SH2D4A: variants seen among roughly 807,000 people sequenced by gnomAD.
SH2D4A encodes SH2 domain-containing protein 4A.
In SH2D4A, 70 loss-of-function variants were observed where a neutral mutation model predicts 64.7. That is an observed-to-expected ratio of 1.08 (90% confidence interval 0.89 to 1.32). SH2D4A has a LOEUF of 1.32. Among genes scored for constraint, SH2D4A ranks in the 40% most tolerant of loss-of-function variants. The probability of loss-of-function intolerance (pLI) is 0.00; values close to 1 mark genes in which losing one functional copy is unlikely to be tolerated. For missense variants in SH2D4A, 706 were observed against 540.1 expected (o/e 1.31, Z -3.04); for synonymous variants, 268 against 200.7 (o/e 1.34, Z -2.83).
At chr8:19,378,058 T>C (rs2053226809) in intron 8 of SH2D4A, among the ~76,000 whole-genome samples, 1 of 152,198 alleles carries the variant, frequency 6.6e-6, no homozygotes, top group Non-Finnish European at 1.5e-5. Flanking sequence ...ACTGAGCTCA[T>C]ATATTACTGG....
At chr8:19,313,927 G>C in intron 1 of SH2D4A, 104 bp downstream of exon 1, 1 of 1,309,110 alleles carries the variant, frequency 7.6e-7, no homozygotes, top group Non-Finnish European at 9.7e-7. Flanking sequence ...GGGAGGCGCA[G>C]GGGCCAGAGC....
intron 2 of SH2D4A, 99 bp downstream of exon 2, chr8:19,319,827 T>C: frequency 1.5e-6 from 2 of 1,300,186 alleles, no homozygotes; most frequent in African/African-American, 1.5e-5. Flanking sequence ...AGGTGCAAGT[T>C]CCAGTTTGGC....
At chr8:19,364,782 C>G (rs895281703) in intron 7 of SH2D4A, among the ~76,000 whole-genome samples, 2 of 152,160 alleles carry the variant, frequency 1.3e-5, no homozygotes, top group Non-Finnish European at 2.9e-5. Flanking sequence ...TTCTCATTCA[C>G]GGATACATAG....
intron 2 of SH2D4A, among the ~76,000 whole-genome samples, chr8:19,322,319 A>C (rs1220275162): frequency 1.3e-5 from 2 of 152,108 alleles, no homozygotes; most frequent in Non-Finnish European, 2.9e-5. Flanking sequence ...TGATCCCTGA[A>C]GGCTTGTGCT....
chr8:19,358,940 G>A (rs1263549931), intron 5 of SH2D4A, among the ~76,000 whole-genome samples: 3 of 152,142 alleles, frequency 2.0e-5, no homozygotes, highest in Admixed American at 6.5e-5. Context: ...ATCCAGCCTC[G>A]GCCCCTCCGC....
chr8:19,329,487 T>C (rs754184152), intron 2 of SH2D4A, among the ~76,000 whole-genome samples: 30 of 152,268 alleles, frequency 2.0e-4, no homozygotes, highest in Non-Finnish European at 4.1e-4. Context: ...AATGTTAGTC[T>C]CCTGAGGACA....
At position 19,368,826 on chromosome 8, in the gene SH2D4A, C is replaced by T. The variant is rs373940632; in HGVS notation, c.917+4544C>T. Among the ~76,000 whole-genome samples the T allele has an allele frequency of 2.0e-5, 3 of 152,070 alleles. No homozygotes were observed. In the South Asian group the frequency reaches 6.2e-4, roughly 31 times the overall value. On this transcript the variant is annotated intron_variant, in intron 7 of 9. Transcript: ENST00000265807. ...TTTCCAATTTGGATGTGCTTCATTGCTTTCTCTTGACTCATTCCTGTGCCT... is the reference window on the plus strand; with the variant it reads ...TTTCCAATTTGGATGTGCTTCATTGTTTTCTCTTGACTCATTCCTGTGCCT...
intron 8 of SH2D4A, among the ~76,000 whole-genome samples, chr8:19,379,066 C>A (rs1044785930): frequency 2.8e-5 from 4 of 141,162 alleles, no homozygotes; most frequent in Non-Finnish European, 6.2e-5. Flanking sequence ...GGAAGACAGA[C>A]CCTGCCTTAA....
intron 8 of SH2D4A, among the ~76,000 whole-genome samples, chr8:19,377,696 T>C (rs903897463): frequency 1.3e-5 from 2 of 151,762 alleles, no homozygotes; most frequent in Admixed American, 1.3e-4. Flanking sequence ...TACACACACA[T>C]ATATTACACA....
At chr8:19,371,411 G>A (rs537758641) in intron 7 of SH2D4A, among the ~76,000 whole-genome samples, 1 of 151,712 alleles carries the variant, frequency 6.6e-6, no homozygotes, top group South Asian at 2.1e-4. Flanking sequence ...TGGCCTATAC[G>A]GTTTCTTCTG....
At chr8:19,370,154 CAATTTAAG>C (rs1214831241) in intron 7 of SH2D4A, among the ~76,000 whole-genome samples, 4 of 151,964 alleles carry the variant, frequency 2.6e-5, no homozygotes, top group Non-Finnish European at 5.9e-5. Flanking sequence ...TAACTTAAAA[CAATTTAAG>C]AATTGTTTTG....
intron 4 of SH2D4A, among the ~76,000 whole-genome samples, chr8:19,342,909 A>G (rs17478238): frequency 0.068 from 10,376 of 152,184 alleles, 419 homozygotes; most frequent in Middle Eastern, 0.13. Context: ...GATTAAATCT[A>G]CTTTCCGGGA....
At position 19,357,308 on chromosome 8, in the gene SH2D4A, C is replaced by T. The variant is rs114323305; in HGVS notation, c.594+25C>T. 1,156 of 1,531,968 alleles carry T rather than the reference C, an allele frequency of 7.5e-4. 10 individuals carry two copies. In the African/African-American group the frequency reaches 0.014, roughly 18 times the overall value. The allele number at this position is 1,531,968 out of a possible 1,614,324, so 94.9% of individuals were successfully genotyped here. A position where few individuals can be genotyped will look rare whatever the true frequency, so the allele number is the denominator to read the frequency against. ...GGTAAAAGACTTCCCTTCTGTCCTC[C>T]GGGGGCTGCATACCTAGGCATTTCC... On this transcript the variant is annotated intron_variant, in intron 5 of 9. Coordinates refer to ENST00000265807, the MANE Select transcript of SH2D4A (RefSeq NM_022071.4).
At chr8:19,366,104 TACA>T (rs1299512983) in intron 7 of SH2D4A, among the ~76,000 whole-genome samples, 6 of 152,204 alleles carry the variant, frequency 3.9e-5, no homozygotes, top group African/African-American at 1.4e-4. Context: ...GTTGGTCAAT[TACA>T]ATACTAGTAG....
intron 8 of SH2D4A, among the ~76,000 whole-genome samples, chr8:19,392,542 G>A (rs1182892006): frequency 6.6e-6 from 1 of 151,878 alleles, no homozygotes; most frequent in Non-Finnish European, 1.5e-5. Flanking sequence ...CACTGTCCTA[G>A]ACCAAGTCAA....
intron 8 of SH2D4A, among the ~76,000 whole-genome samples, chr8:19,391,110 T>A (rs2053485487): frequency 6.6e-6 from 1 of 152,140 alleles, no homozygotes; most frequent in South Asian, 2.1e-4. Context: ...TCAGGGTCAT[T>A]GAAAACATCC....
chr8:19,378,684 A>T (rs1585202557), intron 8 of SH2D4A, among the ~76,000 whole-genome samples: 1 of 152,028 alleles, frequency 6.6e-6, no homozygotes, highest in East Asian at 1.9e-4. Flanking sequence ...GATCCACCCT[A>T]CTCAGCCTGC....
intron 4 of SH2D4A, among the ~76,000 whole-genome samples, chr8:19,349,685 A>G (rs931793745): frequency 2.6e-5 from 4 of 152,248 alleles, no homozygotes; most frequent in Non-Finnish European, 4.4e-5. Flanking sequence ...GTGAGAATCA[A>G]ATGAAATAAT....
At chr8:19,393,586 T>C in intron 9 of SH2D4A, 45 bp downstream of exon 9, 1 of 1,578,810 alleles carries the variant, frequency 6.3e-7, no homozygotes, top group Non-Finnish European at 8.7e-7. Context: ...GTTACTGTCC[T>C]GTAGCAGCTC....
Sources: gnomAD v4.1 joint callset for allele counts (sites outside exome capture counted in the v4.1 genomes callset) on GRCh38, gnomAD v4.1.1 for gene constraint, MANE v1.5 for transcripts, NCBI Gene and HGNC (gene_info 2026-07-23, HGNC 2026-07-21) for gene names.